Variants in DYNC2H1 observed in about 807,000 individuals in gnomAD.
The protein encoded by DYNC2H1 is cytoplasmic dynein 2 heavy chain 1.
Under a neutral mutation model 570.0 loss-of-function variants are expected in DYNC2H1, and 410 were observed. The ratio of observed to expected loss-of-function variants is 0.72; its 90% confidence interval spans 0.66 to 0.78. DYNC2H1 has a LOEUF of 0.78. Ranked by LOEUF, DYNC2H1 falls within the 30% of genes least tolerant of loss-of-function variation. The probability of loss-of-function intolerance (pLI) is 0.00; values close to 1 mark genes in which losing one functional copy is unlikely to be tolerated. For synonymous variants in DYNC2H1, 1,688 were observed against 1,677.6 expected, an observed-to-expected ratio of 1.01 and a Z score of -0.15; for missense variants, 4,865 against 5,046.4, an observed-to-expected ratio of 0.96 and a Z score of 1.09.
rs1199106452 is a variant in DYNC2H1, at chr11:103,395,707, C to T, written c.12157-3956C>T. 6.6e-6 allele frequency among the ~76,000 whole-genome samples: 1 copy of T among 152,132 alleles called. No homozygotes were observed. Among genetic ancestry groups the T allele is most frequent in the African/African-American group, 2.4e-5 (1 of 41,408 alleles). Reference sequence around the variant, plus strand: ...TTTGGTCATGCTGCCATCCCTGAACCAGTCACTGTGGTCAAGAGAATGGAA... The same window carrying T: ...TTTGGTCATGCTGCCATCCCTGAACTAGTCACTGTGGTCAAGAGAATGGAA... On this transcript the variant is annotated intron_variant, in intron 83 of 88. Coordinates refer to ENST00000375735, the MANE Select transcript of DYNC2H1 (RefSeq NM_001377.3). This position sits in a 1 kb window ranked among gnomAD's most constrained non-coding sequence, Gnocchi z 4.3.
chr11:103,125,232 C>A lies in DYNC2H1; in HGVS notation c.1794C>A (p.Ala598=), dbSNP rs749485588. 1 of 1,612,892 alleles carries A rather than the reference C, an allele frequency of 6.2e-7. No individual in the cohort carries two copies. The highest frequency in any genetic ancestry group is 1.1e-5 in the South Asian group (1 of 90,888). The change falls in exon 12 of 89, where the codon GCC becomes GCA. Residue 598 remains alanine (A), a synonymous_variant. Transcript: ENST00000375735. ...CTGCACTTGGCTTTGTTATTCCTGC[C>A]AAAATACAGCAAGTTGCAAACATTG... ...QLSALGFVIP[A]KIQQVANIAQ... is the part of the protein sequence containing the mutation.
intron 83 of DYNC2H1, among the ~76,000 whole-genome samples, chr11:103,370,384 G>T (rs1262942672): frequency 6.6e-6 from 1 of 152,170 alleles, no homozygotes; most frequent in Non-Finnish European, 1.5e-5. Flanking sequence ...CACACCCATG[G>T]CTTGGGGAAG....
intron 59 of DYNC2H1, among the ~76,000 whole-genome samples, chr11:103,226,035 G>A (rs1591438318): frequency 6.6e-6 from 1 of 152,056 alleles, no homozygotes; most frequent in Admixed American, 6.6e-5. Flanking sequence ...GTGTATAGCA[G>A]AGCTACTGAT....
At chr11:103,394,048 C>T (rs1226443097) in intron 83 of DYNC2H1, among the ~76,000 whole-genome samples, 1 of 152,160 alleles carries the variant, frequency 6.6e-6, no homozygotes, top group Admixed American at 6.5e-5. Context: ...ACCATATCAA[C>T]TCCCCTTCTC....
intron 86 of DYNC2H1, among the ~76,000 whole-genome samples, chr11:103,455,670 T>C (rs1334692399): frequency 1.3e-5 from 2 of 152,186 alleles, no homozygotes; most frequent in African/African-American, 4.8e-5. Context: ...GTGCTCAATA[T>C]CCACATGGCT....
chr11:103,399,587 A>T, intron 83 of DYNC2H1, 76 bp from the exon 84 acceptor site: 1 of 1,014,400 alleles, frequency 9.9e-7, no homozygotes, highest in Non-Finnish European at 1.4e-6. Flanking sequence ...CAAAAGGTTT[A>T]AATAAGTTTC....
In DYNC2H1 at chr11:103,152,118, T is replaced by TTC; in HGVS notation, c.2947-17_2947-16insCT. On this transcript the variant is annotated splice_polypyrimidine_tract_variant and intron_variant, in intron 20 of 88. Transcript: ENST00000375735. Reference sequence around the variant, plus strand: ...AATAGGTTGTTATTCAATTTGTTTTTTTTTTTTTAACCTTTAGATTTTGCC... The same window carrying TTC: ...AATAGGTTGTTATTCAATTTGTTTTTTCTTTTTTTTAACCTTTAGATTTTGCC... 1 of 1,573,120 alleles carries TTC rather than the reference T, an allele frequency of 6.4e-7. No individual in the cohort carries two copies. The highest frequency in any genetic ancestry group is 1.4e-5 in the African/African-American group (1 of 73,188).
chr11:103,413,451 C>T (rs10160503), intron 84 of DYNC2H1, among the ~76,000 whole-genome samples: 4,596 of 152,150 alleles, frequency 0.03, 226 homozygotes, highest in African/African-American at 0.11. Context: ...ATTTGATACT[C>T]TCATCCTGCT....
chr11:103,471,742 T>A (rs1382080580), intron 88 of DYNC2H1, among the ~76,000 whole-genome samples: 1 of 152,208 alleles, frequency 6.6e-6, no homozygotes, highest in African/African-American at 2.4e-5. Flanking sequence ...ACCCTGGGGT[T>A]ACGAAGATAA....
rs1865442141 is a variant in DYNC2H1, at chr11:103,264,737, C to T, written c.10695+4760C>T. On this transcript the variant is annotated intron_variant, in intron 70 of 88. Transcript: ENST00000375735. The surrounding 1 kb of genome is among the most constrained non-coding windows in gnomAD (Gnocchi z 4.8). ...TGACAGACCCACAGCCAATGTCATACCGAATGTGAATCAATATCAGTATCA... is the reference window on the plus strand; with the variant it reads ...TGACAGACCCACAGCCAATGTCATATCGAATGTGAATCAATATCAGTATCA... Among the ~76,000 whole-genome samples, 1 of 152,086 alleles carries T rather than the reference C, an allele frequency of 6.6e-6. No individual in the cohort carries two copies. Among genetic ancestry groups the T allele is most frequent in the South Asian group, 2.1e-4 (1 of 4,824 alleles).
chr11:103,464,835 CAGAG>C (rs1313773327), intron 87 of DYNC2H1, among the ~76,000 whole-genome samples: 7 of 152,130 alleles, frequency 4.6e-5, no homozygotes, highest in South Asian at 4.2e-4. Context: ...AAAGTAAAGC[CAGAG>C]AGAAAGTAAT....
chr11:103,195,167 A>G (rs549840291), intron 47 of DYNC2H1, among the ~76,000 whole-genome samples: 2 of 152,298 alleles, frequency 1.3e-5, no homozygotes, highest in East Asian at 1.9e-4. Flanking sequence ...AAAAGTTTTT[A>G]TATAATTTTG....
At chr11:103,149,238 A>G (rs1376015928) in intron 20 of DYNC2H1, among the ~76,000 whole-genome samples, 7 of 152,206 alleles carry the variant, frequency 4.6e-5, no homozygotes, top group Admixed American at 2.0e-4. Context: ...TTTAGGATGC[A>G]AAAGTATGAA....
At chr11:103,123,425 T>C (rs1858824924) in intron 11 of DYNC2H1, among the ~76,000 whole-genome samples, 1 of 152,206 alleles carries the variant, frequency 6.6e-6, no homozygotes, top group Non-Finnish European at 1.5e-5. Flanking sequence ...AATATGGCTT[T>C]GGTAAATATT....
In DYNC2H1 at chr11:103,170,013, A is replaced by G; in HGVS notation, c.4969-95A>G. 8.2e-6 allele frequency: 10 copies of G among 1,216,164 alleles called. No homozygotes were observed. The allele number at this position is 1,216,164 out of a possible 1,614,324, so 75.3% of individuals were successfully genotyped here. A position where few individuals can be genotyped will look rare whatever the true frequency, so the allele number is the denominator to read the frequency against. On this transcript the variant is annotated intron_variant, in intron 32 of 88. Coordinates refer to ENST00000375735, the MANE Select transcript of DYNC2H1 (RefSeq NM_001377.3). This position sits in a 1 kb window ranked among gnomAD's most constrained non-coding sequence, Gnocchi z 4.8. The stretch of plus-strand genomic sequence containing the variant: ...TTAAAAACTTTAACCTGTTTGTTGC[A>G]TTTTTATCTTTTTAACTACAATCTC...
At chr11:103,222,608 C>T (rs1863629405) in intron 58 of DYNC2H1, among the ~76,000 whole-genome samples, 1 of 152,076 alleles carries the variant, frequency 6.6e-6, no homozygotes, top group Non-Finnish European at 1.5e-5. Flanking sequence ...TAAAGCTGCT[C>T]TTATCTAATA....
chr11:103,347,351 A>T (rs1365801526), intron 82 of DYNC2H1, among the ~76,000 whole-genome samples: 1 of 152,206 alleles, frequency 6.6e-6, no homozygotes, highest in East Asian at 1.9e-4. Flanking sequence ...AGAAATTTAA[A>T]TATGGACTGG....
At chr11:103,440,254 A>G (rs915477504) in intron 85 of DYNC2H1, among the ~76,000 whole-genome samples, 1 of 152,160 alleles carries the variant, frequency 6.6e-6, no homozygotes, top group African/African-American at 2.4e-5. Flanking sequence ...GAAATGTTTA[A>G]TGGACTCCTA....
Position 103,113,524 on chromosome 11 carries a change from T to C in DYNC2H1, c.196-13T>C, listed in dbSNP as rs765533229. ...TTTATGAAGATAACATTAAAAATCA[T>C]TTATCACTTTAGATTGAGTTTGGTG... On this transcript the variant is annotated splice_polypyrimidine_tract_variant and intron_variant, in intron 1 of 88. Coordinates refer to ENST00000375735, the MANE Select transcript of DYNC2H1 (RefSeq NM_001377.3). The C allele has an allele frequency of 2.7e-6, 4 of 1,500,484 alleles. No homozygotes were observed. In the East Asian group the frequency reaches 7.5e-5, roughly 28 times the overall value. The allele number at this position is 1,500,484 out of a possible 1,614,324, so 92.9% of individuals were successfully genotyped here. A position where few individuals can be genotyped will look rare whatever the true frequency, so the allele number is the denominator to read the frequency against.
Sources: gnomAD v4.1 joint callset for allele counts (sites outside exome capture counted in the v4.1 genomes callset) on GRCh38, gnomAD v4.1.1 for gene constraint, Gnocchi (gnomAD v3.1) non-coding constraint, MANE v1.5 for transcripts, NCBI Gene and HGNC (gene_info 2026-07-23, HGNC 2026-07-21) for gene names.